ZBTB20: variants seen among roughly 807,000 people sequenced by gnomAD.
ZBTB20 encodes the protein zinc finger and BTB domain-containing protein 20.
A neutral mutation model predicts 56.9 loss-of-function variants in ZBTB20; 9 were observed. The ratio of observed to expected loss-of-function variants is 0.16; its 90% confidence interval spans 0.10 to 0.28. ZBTB20 has a LOEUF of 0.28. Ranked by LOEUF, ZBTB20 falls within the 10% of genes least tolerant of loss-of-function variation. The pLI is 1.00. For synonymous variants in ZBTB20, 417 were observed against 420.7 expected (o/e 0.99, Z 0.11); for missense variants, 655 against 1,003.0 (o/e 0.65, Z 4.69).
chr3:114,907,100 A>C (rs1286308592), intron 3 of ZBTB20, among the ~76,000 whole-genome samples: 1 of 151,800 alleles, frequency 6.6e-6, no homozygotes, highest in Admixed American at 6.6e-5. Flanking sequence ...ATAGCCATGA[A>C]CCTTATTATT....
intron 6 of ZBTB20, among the ~76,000 whole-genome samples, chr3:114,555,987 C>T (rs1577520651): frequency 6.6e-6 from 1 of 152,232 alleles, no homozygotes; most frequent in East Asian, 1.9e-4. Context: ...ACATAGGTGT[C>T]ATTGCCTTCC....
intron 1 of ZBTB20, among the ~76,000 whole-genome samples, chr3:115,074,023 A>G (rs1553890104): frequency 6.6e-6 from 1 of 152,150 alleles, no homozygotes; most frequent in Non-Finnish European, 1.5e-5. Flanking sequence ...AGCAATGCCC[A>G]TCCAATCAAT....
At chr3:114,790,384 T>C (rs2070858691) in intron 5 of ZBTB20, among the ~76,000 whole-genome samples, 1 of 152,154 alleles carries the variant, frequency 6.6e-6, no homozygotes, top group Non-Finnish European at 1.5e-5. Context: ...TTATTTTCTA[T>C]AGCTTTCTTC....
intron 3 of ZBTB20, among the ~76,000 whole-genome samples, chr3:114,933,415 C>A (rs2076425972): frequency 6.6e-6 from 1 of 152,208 alleles, no homozygotes; most frequent in Non-Finnish European, 1.5e-5. Flanking sequence ...ATAGTGTAAT[C>A]CACCCACTTG....
intron 6 of ZBTB20, among the ~76,000 whole-genome samples, chr3:114,612,799 A>T (rs2057655574): frequency 6.6e-6 from 1 of 152,220 alleles, no homozygotes; most frequent in Non-Finnish European, 1.5e-5. Flanking sequence ...TTCATCAAGC[A>T]GCTAAGATAA....
intron 6 of ZBTB20, among the ~76,000 whole-genome samples, chr3:114,510,240 C>T (rs748538694): frequency 1.3e-5 from 2 of 152,106 alleles, no homozygotes; most frequent in Non-Finnish European, 2.9e-5. Flanking sequence ...GATTCATTTT[C>T]AGTATATGAC....
intron 6 of ZBTB20, among the ~76,000 whole-genome samples, chr3:114,574,249 C>T (rs1672684664): frequency 6.6e-6 from 1 of 151,970 alleles, no homozygotes; most frequent in Non-Finnish European, 1.5e-5. Flanking sequence ...TGATAAACAC[C>T]TCTGTACCTA....
At chr3:114,733,338 C>T (rs2065898272) in intron 5 of ZBTB20, among the ~76,000 whole-genome samples, 1 of 152,170 alleles carries the variant, frequency 6.6e-6, no homozygotes, top group African/African-American at 2.4e-5. Context: ...TGACAGAAGG[C>T]TGAAAAGCTG....
chr3:114,978,004 C>A (rs1576472974), intron 2 of ZBTB20, among the ~76,000 whole-genome samples: 3 of 121,182 alleles, frequency 2.5e-5, no homozygotes, highest in African/African-American at 7.3e-5. Context: ...GAACAAGACC[C>A]AGTCTCAAAA....
At chr3:114,940,442 C>T (rs569799514) in intron 3 of ZBTB20, among the ~76,000 whole-genome samples, 12 of 144,818 alleles carry the variant, frequency 8.3e-5, no homozygotes, top group Admixed American at 7.3e-4. Flanking sequence ...TTGCCAAACC[C>T]TCTCAGGGTA....
intron 5 of ZBTB20, among the ~76,000 whole-genome samples, chr3:114,771,793 T>C (rs1357271928): frequency 6.6e-6 from 1 of 152,202 alleles, no homozygotes; most frequent in Non-Finnish European, 1.5e-5. Context: ...GCCCTTCCTT[T>C]GACCTTATCT....
At chr3:114,715,046 C>A (rs2064367046) in intron 5 of ZBTB20, among the ~76,000 whole-genome samples, 1 of 152,154 alleles carries the variant, frequency 6.6e-6, no homozygotes. Flanking sequence ...TGGATCATTA[C>A]AAGTCACAAG....
At chr3:114,991,590 G>A (rs1176122928) in intron 2 of ZBTB20, among the ~76,000 whole-genome samples, 8 of 152,100 alleles carry the variant, frequency 5.3e-5, no homozygotes, top group Admixed American at 5.2e-4. Context: ...GTTGATTTGG[G>A]GTGGAGAGTT....
chr3:114,397,258 C>T (rs1284004922), intron 7 of ZBTB20, among the ~76,000 whole-genome samples: 2 of 152,102 alleles, frequency 1.3e-5, no homozygotes, highest in Non-Finnish European at 2.9e-5. Context: ...CCAGGTACAA[C>T]CTATGGCAGT....
chr3:114,889,566 A>G (rs541459629), intron 4 of ZBTB20, among the ~76,000 whole-genome samples: 5 of 152,244 alleles, frequency 3.3e-5, no homozygotes, highest in Admixed American at 2.6e-4. Flanking sequence ...AGTAGCTACA[A>G]TAATTTGCAT....
At chr3:114,374,510 G>T (rs2083390892) in intron 10 of ZBTB20, among the ~76,000 whole-genome samples, 1 of 152,138 alleles carries the variant, frequency 6.6e-6, no homozygotes, top group South Asian at 2.1e-4. Flanking sequence ...TGTCCAACTT[G>T]TCCTAAATTC....
chr3:114,692,006 A>T (rs905922677), intron 6 of ZBTB20, among the ~76,000 whole-genome samples: 1 of 152,150 alleles, frequency 6.6e-6, no homozygotes, highest in Non-Finnish European at 1.5e-5. Context: ...CATACCTAGA[A>T]GGGAAATACA....
chr3:114,553,484 A>G (rs969252496), intron 6 of ZBTB20, among the ~76,000 whole-genome samples: 1 of 152,186 alleles, frequency 6.6e-6, no homozygotes, highest in South Asian at 2.1e-4. Flanking sequence ...TACTACAAGT[A>G]TACTGGGCTT....
At chr3:115,083,410 T>C (rs2082867152) in intron 1 of ZBTB20, among the ~76,000 whole-genome samples, 1 of 151,994 alleles carries the variant, frequency 6.6e-6, no homozygotes, top group South Asian at 2.1e-4. Context: ...CTATACTGTT[T>C]CACAAAGAAA....
Sources: allele counts gnomAD v4.1 joint callset (sites outside exome capture counted in the v4.1 genomes callset), GRCh38; gene constraint gnomAD v4.1.1; transcripts MANE v1.5; gene names NCBI Gene and HGNC (gene_info 2026-07-23, HGNC 2026-07-21).